Variants in SEMA6D observed in about 807,000 individuals in gnomAD.
SEMA6D encodes the protein semaphorin-6D.
A neutral mutation model predicts 106.6 loss-of-function variants in SEMA6D; 35 were observed. The ratio of observed to expected loss-of-function variants is 0.33; its 90% CI spans 0.25 to 0.44. The LOEUF is 0.44. Ranked by LOEUF, SEMA6D falls within the 20% of genes least tolerant of loss-of-function variation. The pLI is 1.00. For missense variants in SEMA6D, 1,185 were observed against 1,345.9 expected (o/e 0.88, Z 1.87); for synonymous variants, 499 against 487.7 (o/e 1.02, Z -0.31).
At chr15:47,678,560 G>A (rs189694214) in intron 4 of SEMA6D, among the ~76,000 whole-genome samples, 65 of 152,042 alleles carry the variant, frequency 4.3e-4, no homozygotes, top group East Asian at 2.1e-3. Context: ...GAACCCATTC[G>A]AGTTGAGAGA....
Position 47,614,711 on chromosome 15 carries a change from G to A in SEMA6D, c.-55+13815G>A, listed in dbSNP as rs150469263. On this transcript the variant is annotated intron_variant, in intron 4 of 19. Coordinates refer to the SEMA6D transcript ENST00000558014. Reference sequence around the variant, plus strand: ...CACCCTCCAGTCTCTGTAGATCCAGGACCTAGCATGGTTTAGGATCTACAA... The same window carrying A: ...CACCCTCCAGTCTCTGTAGATCCAGAACCTAGCATGGTTTAGGATCTACAA... 7.0e-3 allele frequency among the ~76,000 whole-genome samples: 1,064 copies of A among 152,278 alleles called. 5 individuals carry two copies. The highest frequency in any genetic ancestry group is 0.018 in the Admixed American group (280 of 15,300).
At chr15:47,473,789 G>A (rs1282927351) in intron 3 of SEMA6D, among the ~76,000 whole-genome samples, 3 of 152,156 alleles carry the variant, frequency 2.0e-5, no homozygotes, top group Non-Finnish European at 4.4e-5. Context: ...TACACTGCTC[G>A]AAACTCATCA....
chr15:47,434,226 A>G lies in SEMA6D; in HGVS notation c.-159+21754A>G, dbSNP rs369543678. On this transcript the variant is annotated intron_variant, in intron 2 of 19. Coordinates refer to the SEMA6D transcript ENST00000558014. ...TGAGGGAGAAAGGGAAGAACAAGGTAACTGTGTGGTTCAAGCCTGGTGATA... is the reference window on the plus strand; with the variant it reads ...TGAGGGAGAAAGGGAAGAACAAGGTGACTGTGTGGTTCAAGCCTGGTGATA... Among the ~76,000 whole-genome samples, 20 of 152,244 alleles carry G rather than the reference A, an allele frequency of 1.3e-4. 1 individual carries two copies. In the East Asian group the frequency reaches 3.3e-3, roughly 25 times the overall value.
chr15:47,361,448 A>C (rs147580276), intron 1 of SEMA6D, among the ~76,000 whole-genome samples: 3 of 152,346 alleles, frequency 2.0e-5, no homozygotes, highest in African/African-American at 7.2e-5. Context: ...AATGATTTCT[A>C]CAAGTCCTAT....
chr15:47,513,578 C>T (rs1260048669), intron 3 of SEMA6D, among the ~76,000 whole-genome samples: 2 of 152,132 alleles, frequency 1.3e-5, no homozygotes, highest in Non-Finnish European at 2.9e-5. Flanking sequence ...AACAGGGTAG[C>T]AGTTACAGAA....
intron 2 of SEMA6D, among the ~76,000 whole-genome samples, chr15:47,465,564 G>T (rs79495526): frequency 6.6e-6 from 1 of 152,178 alleles, no homozygotes; most frequent in South Asian, 2.1e-4. Flanking sequence ...GAGGGGCCTG[G>T]TGGGAAGGGA....
At chr15:47,667,036 AAGCCTCCAGAAGATTCCAGC>A (rs2078040835) in intron 4 of SEMA6D, among the ~76,000 whole-genome samples, 1 of 152,134 alleles carries the variant, frequency 6.6e-6, no homozygotes, top group African/African-American at 2.4e-5. Context: ...ATGAGTCCAG[AAGCCTCCAGAAGATTCCAGC>A]AGCGAGCCAA....
Position 47,232,531 on chromosome 15 carries a change from GT to G in SEMA6D, c.-239+48114del, listed in dbSNP as rs2141598113. ...TTGTTATTCTATGGGGGGAGGGTGT[GT>G]GTGTGTGTGTGTGTGTGTGTGTGTA... On this transcript the variant is annotated intron_variant, in intron 1 of 19. Coordinates refer to the SEMA6D transcript ENST00000558014. Among the ~76,000 whole-genome samples the G allele has an allele frequency of 9.5e-5, 5 of 52,546 alleles. No individual in the cohort carries two copies. In the South Asian group the frequency reaches 3.9e-3, roughly 41 times the overall value. 34.5% of individuals were successfully genotyped at this position (52,546 alleles called of 152,430 possible). A position where few individuals can be genotyped will look rare whatever the true frequency, so the allele number is the denominator to read the frequency against.
intron 1 of SEMA6D, among the ~76,000 whole-genome samples, chr15:47,752,974 A>C (rs545442196): frequency 2.0e-5 from 3 of 151,302 alleles, no homozygotes; most frequent in Non-Finnish European, 4.4e-5. Flanking sequence ...GCACCACTGC[A>C]CTCCACCCTG....
At chr15:47,298,361 TAC>T (rs2035886924) in intron 1 of SEMA6D, among the ~76,000 whole-genome samples, 1 of 151,646 alleles carries the variant, frequency 6.6e-6, no homozygotes, top group Non-Finnish European at 1.5e-5. Flanking sequence ...TCATTGAGCA[TAC>T]ACACCTATAT....
At chr15:47,222,062 T>A (rs2031254013) in intron 1 of SEMA6D, among the ~76,000 whole-genome samples, 1 of 151,952 alleles carries the variant, frequency 6.6e-6, no homozygotes, top group Non-Finnish European at 1.5e-5. Context: ...CACGCAAGTG[T>A]TTAAGAACTC....
At chr15:47,650,332 A>G (rs1205592810) in intron 4 of SEMA6D, among the ~76,000 whole-genome samples, 1 of 152,232 alleles carries the variant, frequency 6.6e-6, no homozygotes, top group Admixed American at 6.5e-5. Flanking sequence ...CCTGTTATGC[A>G]AAAAGCATGG....
chr15:47,417,521 G>A (rs2041012827), intron 2 of SEMA6D, among the ~76,000 whole-genome samples: 1 of 151,746 alleles, frequency 6.6e-6, no homozygotes, highest in Admixed American at 6.6e-5. Flanking sequence ...TGCCTGAAGG[G>A]GCAAGATTTA....
At chr15:47,730,301 G>A in intron 1 of SEMA6D, 2 of 1,528,866 alleles carry the variant, frequency 1.3e-6, no homozygotes, top group Non-Finnish European at 1.8e-6. Flanking sequence ...CTTAGCCAAA[G>A]CGCCTTTGTC....
At chr15:47,245,111 C>T (rs1434616791) in intron 1 of SEMA6D, among the ~76,000 whole-genome samples, 1 of 151,626 alleles carries the variant, frequency 6.6e-6, no homozygotes, top group Non-Finnish European at 1.5e-5. Context: ...TTGATGGGCA[C>T]CTAGGTTGAT....
intron 2 of SEMA6D, among the ~76,000 whole-genome samples, chr15:47,440,653 A>T (rs1443207431): frequency 3.4e-5 from 5 of 146,064 alleles, no homozygotes; most frequent in African/African-American, 2.5e-5. Flanking sequence ...AGATAAAGTT[A>T]AAAAAAAAAA....
intron 3 of SEMA6D, among the ~76,000 whole-genome samples, chr15:47,595,915 A>G (rs2076527330): frequency 6.6e-6 from 1 of 152,120 alleles, no homozygotes; most frequent in Non-Finnish European, 1.5e-5. Flanking sequence ...CTTCTATTCA[A>G]TGTAATATAA....
intron 1 of SEMA6D, among the ~76,000 whole-genome samples, chr15:47,314,757 A>C (rs2036584525): frequency 1.3e-5 from 2 of 151,212 alleles, no homozygotes; most frequent in South Asian, 4.2e-4. Context: ...TTTAATTTTA[A>C]TGAAGTGCCA....
rs68039702 is a variant in SEMA6D at position 47,422,180 on chromosome 15, G to GCCTTCCTTCCTTCCTTCCTTCCTT, written c.-159+9739_-159+9762dup. On this transcript the variant is annotated intron_variant, in intron 2 of 19. Coordinates refer to the SEMA6D transcript ENST00000558014. ...TTATTTTTTGCCCGCCCGCCTGCCT[G>GCCTTCCTTCCTTCCTTCCTTCCTT]CCTTCCTTCCTTCCTTCCTTCCTTC... Among the ~76,000 whole-genome samples the GCCTTCCTTCCTTCCTTCCTTCCTT allele has an allele frequency of 3.0e-4, 34 of 112,862 alleles. 1 individual carries two copies. Among genetic ancestry groups the GCCTTCCTTCCTTCCTTCCTTCCTT allele is most frequent in the Admixed American group, 5.7e-4 (6 of 10,510 alleles). 74.0% of individuals were successfully genotyped at this position (112,862 alleles called of 152,430 possible).
Sources: allele counts gnomAD v4.1 joint callset (sites outside exome capture counted in the v4.1 genomes callset), GRCh38; gene constraint gnomAD v4.1.1; transcripts MANE v1.5; gene names NCBI Gene and HGNC (gene_info 2026-07-23, HGNC 2026-07-21).